Variants in GLIPR2 observed in about 807,000 individuals in gnomAD.
The protein encoded by GLIPR2 is GLI pathogenesis related 2.
GLIPR2 carries 21 observed loss-of-function variants against 20.4 expected under a neutral mutation model. The ratio of observed to expected loss-of-function variants is 1.03; its 90% CI spans 0.73 to 1.48. The LOEUF (loss-of-function observed/expected upper bound fraction) is 1.48. GLIPR2 is among the 40% of genes most tolerant of loss of function. The pLI, the probability that GLIPR2 is intolerant of heterozygous loss-of-function variation, is 0.00. For missense variants in GLIPR2, 205 were observed against 200.1 expected (o/e 1.02, Z -0.15); for synonymous variants, 91 against 80.5 (o/e 1.13, Z -0.70).
chr9:36,147,599 G>A (rs1453028216), intron 1 of GLIPR2, among the ~76,000 whole-genome samples, 187 bp from the exon 2 acceptor site: 7 of 152,356 alleles, frequency 4.6e-5, no homozygotes, highest in East Asian at 1.9e-4. Context: ...TGTGGAGCGC[G>A]ATGCCAGGTA....
rs6610 is a variant in GLIPR2 at position 36,163,566 on chromosome 9, G to A, written c.*1044G>A. On this transcript the variant is annotated 3_prime_UTR_variant, in exon 5 of 5. Transcript: ENST00000377960. ...AATGTGCGACAAGCCCAAATGTTCC[G>A]GGGAGGCGGCCGGGGCAGGGGGCTT... The A allele has an allele frequency of 0.36, 55,097 of 153,184 alleles. 10,905 individuals are homozygous for A. Among genetic ancestry groups the A allele is most frequent in the African/African-American group, 0.52 (21,760 of 41,560 alleles). 9.5% of individuals were successfully genotyped at this position (153,184 alleles called of 1,614,324 possible). A position where few individuals can be genotyped will look rare whatever the true frequency, so the allele number is the denominator to read the frequency against.
At chr9:36,150,514 C>T (rs1438716161) in intron 3 of GLIPR2, among the ~76,000 whole-genome samples, 1 of 152,196 alleles carries the variant, frequency 6.6e-6, no homozygotes, top group Non-Finnish European at 1.5e-5. Flanking sequence ...CATCAGAAGG[C>T]CCTTGCAGTA....
intron 1 of GLIPR2, chr9:36,144,823 T>C (rs538206660): frequency 1.3e-5 from 2 of 152,368 alleles, no homozygotes; most frequent in African/African-American, 4.8e-5. Context: ...TACCTTCACC[T>C]TCTGGGTCTG....
At chr9:36,160,167 G>A (rs934214955) in intron 4 of GLIPR2, among the ~76,000 whole-genome samples, 1 of 151,972 alleles carries the variant, frequency 6.6e-6, no homozygotes, top group African/African-American at 2.4e-5. Flanking sequence ...GGGATTACAG[G>A]CATGCACCAC....
chr9:36,146,886 C>G (rs78009392), intron 1 of GLIPR2, among the ~76,000 whole-genome samples: 3,990 of 152,274 alleles, frequency 0.026, 85 homozygotes, highest in Non-Finnish European at 0.039. Flanking sequence ...GCGTTACATG[C>G]CGGTAGCTCC....
At chr9:36,148,993 C>A (rs1825466161) in intron 3 of GLIPR2, among the ~76,000 whole-genome samples, 1 of 152,230 alleles carries the variant, frequency 6.6e-6, no homozygotes, top group African/African-American at 2.4e-5. Context: ...TCCACCAGAG[C>A]ATCCCCAGCT....
At chr9:36,144,715 G>C (rs1353609121) in intron 1 of GLIPR2, 1 of 152,414 alleles carries the variant, frequency 6.6e-6, no homozygotes, top group Non-Finnish European at 1.5e-5. Flanking sequence ...CTGAGCCCAA[G>C]TTCTAGAGCT....
intron 1 of GLIPR2, among the ~76,000 whole-genome samples, chr9:36,145,337 T>C (rs1825276981): frequency 6.6e-6 from 1 of 152,252 alleles, no homozygotes; most frequent in Non-Finnish European, 1.5e-5. Flanking sequence ...GATCCCATGT[T>C]AGGTTAATCT....
At chr9:36,146,822 T>C (rs1825347272) in intron 1 of GLIPR2, among the ~76,000 whole-genome samples, 1 of 152,212 alleles carries the variant, frequency 6.6e-6, no homozygotes, top group Non-Finnish European at 1.5e-5. Flanking sequence ...GGCTTAGGGC[T>C]GTCCGGCTTC....
intron 4 of GLIPR2, 142 bp from the exon 5 acceptor site, chr9:36,162,220 C>T: frequency 1.3e-6 from 2 of 1,566,912 alleles, no homozygotes; most frequent in Non-Finnish European, 1.7e-6. Flanking sequence ...TTTCTCTCTC[C>T]TTCCCCTGCA....
chr9:36,147,379 C>T (rs1362488961), intron 1 of GLIPR2, among the ~76,000 whole-genome samples: 3 of 152,198 alleles, frequency 2.0e-5, no homozygotes, highest in African/African-American at 7.2e-5. Context: ...ATTTTACTTC[C>T]AAAGTCCTAT....
intron 1 of GLIPR2, among the ~76,000 whole-genome samples, chr9:36,138,265 C>A (rs1824918544): frequency 6.6e-6 from 1 of 151,986 alleles, no homozygotes; most frequent in Non-Finnish European, 1.5e-5. Context: ...CCTTCTGTTG[C>A]CCAGGCTGGA....
chr9:36,145,562 C>G (rs1304354677), intron 1 of GLIPR2, among the ~76,000 whole-genome samples: 1 of 152,042 alleles, frequency 6.6e-6, no homozygotes, highest in South Asian at 2.1e-4. Context: ...ATGGATGGAC[C>G]TTGGATGAAT....
Position 36,136,868 on chromosome 9 carries a change from C to A in GLIPR2, c.13+77C>A. ...GGACCTCGCCGTCTCCCTCGTCCGC[C>A]GCAAGCCAGGTCCTGGGGAGTGCGG... On this transcript the variant is annotated intron_variant, in intron 1 of 4. Coordinates refer to ENST00000377960, the MANE Select transcript of GLIPR2 (RefSeq NM_022343.4). The surrounding 1 kb of genome is among the most constrained non-coding windows in gnomAD (Gnocchi z 4.3). 1 of 1,252,712 alleles carries A rather than the reference C, an allele frequency of 8.0e-7. No homozygotes were observed. Among genetic ancestry groups the A allele is most frequent in the Non-Finnish European group, 1.0e-6 (1 of 997,300 alleles). The allele number at this position is 1,252,712 out of a possible 1,614,324, so 77.6% of individuals were successfully genotyped here. A position where few individuals can be genotyped will look rare whatever the true frequency, so the allele number is the denominator to read the frequency against.
At position 36,147,835 on chromosome 9, in the gene GLIPR2, G is replaced by T; in HGVS notation, c.63G>T (p.Arg21=). The T allele has an allele frequency of 6.2e-7, 1 of 1,602,614 alleles. No individual in the cohort carries two copies. Among genetic ancestry groups the T allele is most frequent in the Admixed American group, 1.7e-5 (1 of 60,008 alleles). The change falls in exon 2 of 5, where the codon CGG becomes CGT. Residue 21 remains arginine, a synonymous_variant. Coordinates refer to ENST00000377960, the MANE Select transcript of GLIPR2 (RefSeq NM_022343.4). The part of the protein sequence containing the change: ...NEVLKAHNEY[R]QKHGVPPLKL... ...TCCTGAAGGCCCACAATGAGTACCG[G>T]CAGAAGCACGGCGTCCCCCCACTGA...
chr9:36,160,015 A>T (rs1384800641), intron 4 of GLIPR2, among the ~76,000 whole-genome samples: 7 of 152,158 alleles, frequency 4.6e-5, no homozygotes, highest in Admixed American at 2.6e-4. Context: ...CTTTGAACAA[A>T]TGATATTTAG....
intron 1 of GLIPR2, among the ~76,000 whole-genome samples, chr9:36,138,300 C>T (rs1354739834): frequency 6.6e-6 from 1 of 152,118 alleles, no homozygotes; most frequent in African/African-American, 2.4e-5. Context: ...TCTCGGCTCA[C>T]TGCAACCTCC....
At chr9:36,150,612 T>C (rs115069215) in intron 3 of GLIPR2, among the ~76,000 whole-genome samples, 3,991 of 152,272 alleles carry the variant, frequency 0.026, 172 homozygotes, top group African/African-American at 0.09. Flanking sequence ...GTATGGGTTG[T>C]GGGGGATAGG....
chr9:36,145,499 C>T (rs1223125908), intron 1 of GLIPR2, among the ~76,000 whole-genome samples: 1 of 152,212 alleles, frequency 6.6e-6, no homozygotes, highest in Non-Finnish European at 1.5e-5. Context: ...CAATATGGGA[C>T]ATGGCACAGG....
Sources: gnomAD v4.1 joint callset for allele counts (sites outside exome capture counted in the v4.1 genomes callset) on GRCh38, gnomAD v4.1.1 for gene constraint, Gnocchi (gnomAD v3.1) non-coding constraint, MANE v1.5 for transcripts, NCBI Gene and HGNC (gene_info 2026-07-23, HGNC 2026-07-21) for gene names.